TENM4: variants seen among roughly 807,000 people sequenced by gnomAD.
TENM4 encodes teneurin-4.
TENM4 carries 82 observed loss-of-function variants against 243.3 expected under a neutral mutation model. The observed-to-expected ratio is 0.34, with a 90% CI of 0.28 to 0.40. The LOEUF (loss-of-function observed/expected upper bound fraction) is 0.40. Among genes scored for constraint, TENM4 ranks in the 10% least tolerant of loss-of-function variants. The pLI, the probability that TENM4 is intolerant of heterozygous loss-of-function variation, is 1.00. For synonymous variants in TENM4, 1,412 were observed against 1,456.3 expected, an observed-to-expected ratio of 0.97 and a Z score of 0.69; for missense variants, 3,138 against 3,673.3, an observed-to-expected ratio of 0.85 and a Z score of 3.77.
intron 3 of TENM4, among the ~76,000 whole-genome samples, chr11:79,150,789 C>G (rs1322512404): frequency 6.6e-6 from 1 of 152,168 alleles, no homozygotes; most frequent in African/African-American, 2.4e-5. Flanking sequence ...TTTGAATGGG[C>G]ATTTTCATAA....
intron 9 of TENM4, among the ~76,000 whole-genome samples, chr11:78,876,632 T>C (rs1157695997): frequency 2.0e-5 from 3 of 152,228 alleles, no homozygotes; most frequent in Non-Finnish European, 2.9e-5. Context: ...ACTCCAGTAA[T>C]ATACCTTTAT....
At chr11:79,163,284 G>C (rs922718088) in intron 3 of TENM4, among the ~76,000 whole-genome samples, 1 of 152,036 alleles carries the variant, frequency 6.6e-6, no homozygotes, top group Non-Finnish European at 1.5e-5. Flanking sequence ...TATAACAATT[G>C]TTATATTCAT....
chr11:78,675,215 G>A (rs375418773), intron 30 of TENM4, among the ~76,000 whole-genome samples: 35 of 152,204 alleles, frequency 2.3e-4, no homozygotes, highest in Admixed American at 9.2e-4. Flanking sequence ...TGGAAAAATC[G>A]TTTACCCTCT....
At chr11:79,298,544 A>G (rs896486561) in intron 1 of TENM4, among the ~76,000 whole-genome samples, 3 of 150,902 alleles carry the variant, frequency 2.0e-5, no homozygotes, top group Admixed American at 1.3e-4. Flanking sequence ...AAAAAAAAAA[A>G]AAAAGAAAAA....
chr11:79,427,853 C>T (rs1014556994), intron 1 of TENM4, among the ~76,000 whole-genome samples: 1 of 152,142 alleles, frequency 6.6e-6, no homozygotes, highest in South Asian at 2.1e-4. Context: ...TAACATAATA[C>T]GTGGAACTGG....
At chr11:78,863,499 A>G (rs773817671) in intron 9 of TENM4, among the ~76,000 whole-genome samples, 4 of 152,262 alleles carry the variant, frequency 2.6e-5, no homozygotes, top group Admixed American at 6.5e-5. Flanking sequence ...AATAATAACC[A>G]AAGTCCAACA....
chr11:79,396,216 G>C (rs1170828606), intron 1 of TENM4, among the ~76,000 whole-genome samples: 1 of 152,128 alleles, frequency 6.6e-6, no homozygotes, highest in African/African-American at 2.4e-5. Flanking sequence ...CACTCCAACT[G>C]TATGAGTCTT....
intron 2 of TENM4, among the ~76,000 whole-genome samples, chr11:79,286,540 ACACCTGTAATCC>A (rs1194149849): frequency 1.3e-5 from 2 of 150,734 alleles, no homozygotes; most frequent in East Asian, 3.9e-4. Context: ...GTGGTGGTGG[ACACCTGTAATCC>A]CAGCTGCTTG....
chr11:78,658,315 C>T lies in TENM4; in HGVS notation c.8053G>A (p.Glu2685Lys). The change falls in exon 34 of 34, where the codon GAG becomes AAG. Residue 2685 changes from glutamate (E) to lysine (K), a missense_variant. This residue lies in a region of TENM4 where 2,467 missense variants were observed against 3,059.1 expected (regional missense o/e 0.81). Transcript: ENST00000278550. Reference protein sequence around the residue: ...LNTRYGTTLDEEKARVLELAR... With the variant: ...LNTRYGTTLDKEKARVLELAR... ...AGCTCCAGGACCCGTGCCTTCTCCT[C>T]ATCCAACGTTGTCCCGTAGCGTGTG... 6 of 1,613,324 alleles carry T rather than the reference C, an allele frequency of 3.7e-6. No homozygotes were observed. Among genetic ancestry groups the T allele is most frequent in the Non-Finnish European group, 5.1e-6 (6 of 1,179,462 alleles).
At chr11:79,276,795 C>T (rs1352514616) in intron 2 of TENM4, among the ~76,000 whole-genome samples, 1 of 152,164 alleles carries the variant, frequency 6.6e-6, no homozygotes, top group African/African-American at 2.4e-5. Flanking sequence ...TCCCTCCCAG[C>T]AGCCTTTTTC....
chr11:79,148,807 C>CT lies in TENM4; in HGVS notation c.-162-2dup. The CT allele has an allele frequency of 2.1e-6, 2 of 969,406 alleles. No individual in the cohort carries two copies. The allele number at this position is 969,406 out of a possible 1,614,324, so 60.1% of individuals were successfully genotyped here. On this transcript the variant is annotated splice_acceptor_variant, in intron 3 of 33. Coordinates refer to ENST00000278550, the MANE Select transcript of TENM4 (RefSeq NM_001098816.3). LOFTEE classifies it low-confidence loss of function (5UTR_SPLICE). ...TGGACACATGGTAATTTCAGTCTACCTGTTGAAAGAGACAAGAGACAAATC... is the reference window on the plus strand; with the variant it reads ...TGGACACATGGTAATTTCAGTCTACCTTGTTGAAAGAGACAAGAGACAAATC...
chr11:78,760,098 G>A (rs553050024), intron 18 of TENM4, among the ~76,000 whole-genome samples: 2 of 152,108 alleles, frequency 1.3e-5, no homozygotes, highest in South Asian at 4.2e-4. Context: ...CAACCCAAAC[G>A]ATGACCTCCT....
intron 2 of TENM4, among the ~76,000 whole-genome samples, chr11:79,255,000 A>T (rs1219097507): frequency 6.6e-6 from 1 of 152,170 alleles, no homozygotes; most frequent in Non-Finnish European, 1.5e-5. Context: ...GAAGGGCGTC[A>T]TATGCCTTGC....
chr11:79,055,144 T>C lies in TENM4; in HGVS notation c.493+9594A>G, dbSNP rs567578289. Among the ~76,000 whole-genome samples the C allele has an allele frequency of 1.7e-3, 245 of 148,230 alleles. 6 individuals are homozygous for C. In the South Asian group the frequency reaches 0.047, roughly 29 times the overall value. On this transcript the variant is annotated intron_variant, in intron 6 of 33. Transcript: ENST00000278550. Reference sequence around the variant, plus strand: ...CTCCATCTCAAAAAAAAAAAAAACCTGTAACTGGAATAAAAAGTTTACAAA... The same window carrying C: ...CTCCATCTCAAAAAAAAAAAAAACCCGTAACTGGAATAAAAAGTTTACAAA...
At chr11:79,008,337 C>T (rs1054718799) in intron 6 of TENM4, among the ~76,000 whole-genome samples, 13 of 152,218 alleles carry the variant, frequency 8.5e-5, no homozygotes, top group Non-Finnish European at 1.6e-4. Flanking sequence ...ATGGGTCCTA[C>T]TCGTTCTGGC....
At chr11:79,031,745 T>C (rs1859244577) in intron 6 of TENM4, among the ~76,000 whole-genome samples, 1 of 152,216 alleles carries the variant, frequency 6.6e-6, no homozygotes, top group Non-Finnish European at 1.5e-5. Flanking sequence ...CCTTAAGACT[T>C]GGTGCCTCTG....
intron 4 of TENM4, among the ~76,000 whole-genome samples, chr11:79,084,339 C>T (rs2137036092): frequency 6.6e-6 from 1 of 152,308 alleles, no homozygotes; most frequent in East Asian, 1.9e-4. Context: ...TATGCAATTA[C>T]TGTACAACCT....
chr11:79,389,397 T>A (rs1858183728), intron 1 of TENM4, among the ~76,000 whole-genome samples: 1 of 152,230 alleles, frequency 6.6e-6, no homozygotes, highest in Admixed American at 6.5e-5. Context: ...CCTCAAGCAA[T>A]CCTTCTGCCT....
At chr11:78,713,072 G>A (rs1859438697) in intron 25 of TENM4, among the ~76,000 whole-genome samples, 1 of 152,206 alleles carries the variant, frequency 6.6e-6, no homozygotes, top group Admixed American at 6.5e-5. Flanking sequence ...TACCACTGGT[G>A]TCCCGTTCAT....
Sources: allele counts gnomAD v4.1 joint callset (sites outside exome capture counted in the v4.1 genomes callset), GRCh38; gene constraint gnomAD v4.1.1; regional missense constraint gnomAD v4.1.1; transcripts MANE v1.5; gene names NCBI Gene and HGNC (gene_info 2026-07-23, HGNC 2026-07-21).